INTS7: variants seen among roughly 807,000 people sequenced by gnomAD.
INTS7 encodes chromosome 1 open reading frame 73.
In INTS7, 46 loss-of-function variants were observed where a neutral mutation model predicts 109.2. That is an observed-to-expected ratio of 0.42 (90% CI 0.33 to 0.54). INTS7 has a LOEUF of 0.54. Ranked by LOEUF, INTS7 falls within the 20% of genes least tolerant of loss-of-function variation. The pLI is 0.07. For missense variants in INTS7, 929 were observed against 1,132.4 expected, an observed-to-expected ratio of 0.82 and a Z score of 2.58; for synonymous variants, 412 against 402.9, an observed-to-expected ratio of 1.02 and a Z score of -0.27.
intron 16 of INTS7, among the ~76,000 whole-genome samples, chr1:211,963,944 G>A (rs747568007): frequency 2.0e-5 from 3 of 152,122 alleles, no homozygotes; most frequent in Admixed American, 6.5e-5. Flanking sequence ...ACAAAAGGAT[G>A]CTCTCTCTCA....
chr1:212,013,536 A>C (rs537409489), intron 4 of INTS7, among the ~76,000 whole-genome samples: 2 of 152,360 alleles, frequency 1.3e-5, no homozygotes, highest in East Asian at 3.9e-4. Context: ...GTGAAGCCTA[A>C]GTGTACAGTG....
rs1667406961 is a variant in INTS7 at position 212,035,550 on chromosome 1, C to T, written c.-113G>A. On this transcript the variant is annotated 5_prime_UTR_variant, in exon 1 of 20. Transcript: ENST00000366994. ...GTTTTTCTTCCGCGCGCTGTCAAGC[C>T]CTGTTACGCATGCGCCCTGGTCACC... The T allele has an allele frequency of 8.2e-6, 7 of 858,122 alleles. No individual in the cohort carries two copies. Among genetic ancestry groups the T allele is most frequent in the Non-Finnish European group, 1.3e-5 (7 of 520,320 alleles). 53.2% of individuals were successfully genotyped at this position (858,122 alleles called of 1,614,324 possible). A position where few individuals can be genotyped will look rare whatever the true frequency, so the allele number is the denominator to read the frequency against.
intron 8 of INTS7, among the ~76,000 whole-genome samples, chr1:211,986,537 C>T (rs1664901986): frequency 6.6e-6 from 1 of 152,138 alleles, no homozygotes; most frequent in South Asian, 2.1e-4. Flanking sequence ...GCCCAAAAGA[C>T]CATGCATGGA....
chr1:211,981,056 A>G, intron 10 of INTS7, 37 bp downstream of exon 10: 1 of 1,280,446 alleles, frequency 7.8e-7, no homozygotes, highest in Non-Finnish European at 1.1e-6. Flanking sequence ...AGACCATCAT[A>G]TATATCTATT....
chr1:212,008,058 C>T (rs550475971), intron 5 of INTS7, among the ~76,000 whole-genome samples: 1 of 152,302 alleles, frequency 6.6e-6, no homozygotes, highest in Non-Finnish European at 1.5e-5. Context: ...ACACAAATTT[C>T]TCAGTCGTAA....
chr1:212,002,351 G>C (rs1665710205), intron 7 of INTS7, among the ~76,000 whole-genome samples: 1 of 152,166 alleles, frequency 6.6e-6, no homozygotes, highest in African/African-American at 2.4e-5. Context: ...TCTCAATATA[G>C]CTAAGCCAGA....
intron 16 of INTS7, among the ~76,000 whole-genome samples, chr1:211,965,487 C>T (rs1663831734): frequency 6.6e-6 from 1 of 152,164 alleles, no homozygotes; most frequent in East Asian, 1.9e-4. Flanking sequence ...ATCATAAAGA[C>T]ACAGGCACAC....
intron 13 of INTS7, among the ~76,000 whole-genome samples, chr1:211,972,338 T>C (rs1286583139): frequency 6.6e-6 from 1 of 152,200 alleles, no homozygotes; most frequent in East Asian, 1.9e-4. Flanking sequence ...ATCCACACCT[T>C]GGGCAGGCTG....
intron 4 of INTS7, among the ~76,000 whole-genome samples, chr1:212,012,981 C>A (rs1032008925): frequency 6.6e-6 from 1 of 152,134 alleles, no homozygotes; most frequent in African/African-American, 2.4e-5. Context: ...AGCACTGACA[C>A]CTTGGCAGTG....
chr1:211,960,528 T>C (rs1380465543), intron 16 of INTS7, among the ~76,000 whole-genome samples: 1 of 152,086 alleles, frequency 6.6e-6, no homozygotes, highest in Non-Finnish European at 1.5e-5. Flanking sequence ...GAGGAATACA[T>C]TGAAACCCAA....
rs367935229 is a variant in INTS7, at chr1:211,980,099, A to G, written c.1230+994T>C. 3.9e-5 allele frequency among the ~76,000 whole-genome samples: 6 copies of G among 152,324 alleles called. No individual in the cohort carries two copies. In the East Asian group the frequency reaches 1.2e-3, roughly 29 times the overall value. ...TGGAAAAAAGATTTGCTTTTAAAAA[A>G]AGTCTTAAATGTACTGTGGTTCCAA... On this transcript the variant is annotated intron_variant, in intron 10 of 19. Coordinates refer to ENST00000366994, the MANE Select transcript of INTS7 (RefSeq NM_015434.4).
chr1:211,951,926 A>AT (rs1340216615), intron 17 of INTS7, among the ~76,000 whole-genome samples: 1 of 152,108 alleles, frequency 6.6e-6, no homozygotes, highest in Non-Finnish European at 1.5e-5. Context: ...AGGGGAGAAG[A>AT]TAAAAAAAAG....
At chr1:212,015,150 C>A (rs116093977) in intron 4 of INTS7, among the ~76,000 whole-genome samples, 4,044 of 152,100 alleles carry the variant, frequency 0.027, 78 homozygotes, top group Non-Finnish European at 0.04. Flanking sequence ...AGCCCCTGCC[C>A]GGGAAGTGTG....
chr1:211,988,998 C>T (rs1355015563), intron 7 of INTS7, among the ~76,000 whole-genome samples: 2 of 152,150 alleles, frequency 1.3e-5, no homozygotes, highest in Non-Finnish European at 2.9e-5. Context: ...TATCATATAA[C>T]TGCATGTAAT....
At chr1:212,009,552 T>A (rs1256965823) in intron 5 of INTS7, among the ~76,000 whole-genome samples, 2 of 152,192 alleles carry the variant, frequency 1.3e-5, no homozygotes, top group South Asian at 4.1e-4. Context: ...GTGGTCCTCC[T>A]GACATGATAC....
chr1:212,034,474 A>T (rs1369836707), intron 1 of INTS7, among the ~76,000 whole-genome samples: 1 of 152,248 alleles, frequency 6.6e-6, no homozygotes, highest in African/African-American at 2.4e-5. Context: ...CGATTAATCA[A>T]GATTTAATTG....
chr1:211,970,382 CAG>C (rs928802095), intron 13 of INTS7, among the ~76,000 whole-genome samples: 1 of 152,208 alleles, frequency 6.6e-6, no homozygotes, highest in Non-Finnish European at 1.5e-5. Flanking sequence ...TAACAATAAA[CAG>C]AGGCATAGTG....
At chr1:211,986,110 G>A (rs1057337697) in intron 8 of INTS7, among the ~76,000 whole-genome samples, 3 of 152,094 alleles carry the variant, frequency 2.0e-5, no homozygotes, top group African/African-American at 7.2e-5. Context: ...TTTTGTGTTG[G>A]TGGCTTGCTT....
At position 211,959,966 on chromosome 1, in the gene INTS7, G is replaced by A. The variant is rs995633367; in HGVS notation, c.2183+6464C>T. Among the ~76,000 whole-genome samples, 2 of 152,086 alleles carry A rather than the reference G, an allele frequency of 1.3e-5. No individual in the cohort carries two copies. The highest frequency in any genetic ancestry group is 6.5e-5 in the Admixed American group (1 of 15,284). On this transcript the variant is annotated intron_variant, in intron 16 of 19. Coordinates refer to ENST00000366994, the MANE Select transcript of INTS7 (RefSeq NM_015434.4). This position sits in a 1 kb window ranked among gnomAD's most constrained non-coding sequence, Gnocchi z 4.2. ...GCCGCGGTGGACAAGTGTGCATCCC[G>A]TTATGCTGCTGTTGCTGCTGCTGGT...
Sources: gnomAD v4.1 joint callset for allele counts (sites outside exome capture counted in the v4.1 genomes callset) on GRCh38, gnomAD v4.1.1 for gene constraint, Gnocchi (gnomAD v3.1) non-coding constraint, MANE v1.5 for transcripts, NCBI Gene and HGNC (gene_info 2026-07-23, HGNC 2026-07-21) for gene names.